The following TBC1D5 variants were observed in gnomAD, a reference collection of about 807,000 sequenced individuals.
The protein encoded by TBC1D5 is TBC1 domain family, member 5.
TBC1D5 carries 75 observed loss-of-function variants against 100.3 expected under a neutral mutation model. The ratio of observed to expected loss-of-function variants is 0.75; its 90% CI spans 0.62 to 0.91. TBC1D5 has a LOEUF of 0.91. Ranked by LOEUF, TBC1D5 falls within the 40% of genes least tolerant of loss-of-function variation. The pLI, the probability that TBC1D5 is intolerant of heterozygous loss-of-function variation, is 0.00. For synonymous variants in TBC1D5, 323 were observed against 325.6 expected, an observed-to-expected ratio of 0.99 and a Z score of 0.09; for missense variants, 910 against 942.4, an observed-to-expected ratio of 0.97 and a Z score of 0.45.
In TBC1D5 at chr3:17,697,533, G is replaced by A. The variant is rs540969523; in HGVS notation, c.-101+41810C>T. Among the ~76,000 whole-genome samples the A allele has an allele frequency of 3.5e-3, 533 of 152,216 alleles. 4 individuals are homozygous for A. The highest frequency in any genetic ancestry group is 0.012 in the African/African-American group (504 of 41,526). ...GCTACCAAGAGAATAAAATGCCTAA[G>A]AATCCAACTTACAAGGGATGTGAAG... On this transcript the variant is annotated intron_variant, in intron 1 of 21. Coordinates refer to ENST00000253692, the Ensembl canonical transcript of TBC1D5.
At chr3:17,167,795 A>G in exon 20 of TBC1D5, 1 of 1,612,098 alleles carries the variant, frequency 6.2e-7, no homozygotes, top group Non-Finnish European at 8.5e-7. Flanking sequence ...TTCTTTTTCC[A>G]AATTTTCTTG....
At chr3:17,417,343 C>A (rs942609189) in intron 4 of TBC1D5, among the ~76,000 whole-genome samples, 2 of 135,736 alleles carry the variant, frequency 1.5e-5, no homozygotes, top group Non-Finnish European at 3.1e-5. Context: ...CCTCCCCCCT[C>A]CCCCTACCCC....
intron 2 of TBC1D5, among the ~76,000 whole-genome samples, chr3:17,578,960 C>A (rs1385929113): frequency 4.6e-5 from 7 of 151,928 alleles, no homozygotes; most frequent in African/African-American, 1.7e-4. Flanking sequence ...CAAATATATT[C>A]CAAATAATTT....
intron 3 of TBC1D5, among the ~76,000 whole-genome samples, chr3:17,484,596 A>G (rs1171254380): frequency 2.0e-5 from 3 of 151,902 alleles, no homozygotes; most frequent in East Asian, 3.9e-4. Flanking sequence ...CTCAGGCTCA[A>G]GTGAGCCTCC....
intron 19 of TBC1D5, among the ~76,000 whole-genome samples, chr3:17,179,153 T>C (rs2068148218): frequency 6.6e-6 from 1 of 152,254 alleles, no homozygotes; most frequent in East Asian, 1.9e-4. Context: ...AGGTGAATTG[T>C]ATCTTTTCCT....
At chr3:17,284,885 A>T (rs2081008625) in intron 15 of TBC1D5, among the ~76,000 whole-genome samples, 1 of 152,200 alleles carries the variant, frequency 6.6e-6, no homozygotes, top group South Asian at 2.1e-4. Context: ...CCTAAATATC[A>T]ACTATAATAA....
chr3:17,645,826 C>A (rs1022393628), intron 1 of TBC1D5, among the ~76,000 whole-genome samples: 4 of 152,038 alleles, frequency 2.6e-5, no homozygotes, highest in South Asian at 2.1e-4. Context: ...CCCCTTCCCC[C>A]CTACTTTTCT....
At chr3:17,245,577 T>C (rs2076671882) in intron 16 of TBC1D5, among the ~76,000 whole-genome samples, 1 of 152,152 alleles carries the variant, frequency 6.6e-6, no homozygotes, top group South Asian at 2.1e-4. Flanking sequence ...AATAAAAAGG[T>C]TGGCACTGGT....
chr3:17,678,221 G>A (rs1263161070), intron 1 of TBC1D5, among the ~76,000 whole-genome samples: 2 of 152,068 alleles, frequency 1.3e-5, no homozygotes, highest in South Asian at 4.1e-4. Context: ...CAATAAACTA[G>A]TAATTATAAT....
At chr3:17,586,748 T>G (rs1024952985) in intron 2 of TBC1D5, among the ~76,000 whole-genome samples, 1 of 152,102 alleles carries the variant, frequency 6.6e-6, no homozygotes, top group African/African-American at 2.4e-5. Context: ...TTCCTTCACC[T>G]ATTTTAACTC....
chr3:17,369,950 G>A (rs1028360284), intron 13 of TBC1D5, among the ~76,000 whole-genome samples: 2 of 152,020 alleles, frequency 1.3e-5, no homozygotes, highest in Non-Finnish European at 2.9e-5. Flanking sequence ...AGCTAAATGA[G>A]GTAGCTATGA....
At chr3:17,175,894 T>C (rs534106747) in intron 19 of TBC1D5, among the ~76,000 whole-genome samples, 1 of 152,368 alleles carries the variant, frequency 6.6e-6, no homozygotes, top group African/African-American at 2.4e-5. Flanking sequence ...GCACCTCCCC[T>C]GGCTCATATG....
chr3:17,205,220 G>T (rs1273320920), intron 18 of TBC1D5, among the ~76,000 whole-genome samples: 1 of 152,168 alleles, frequency 6.6e-6, no homozygotes, highest in East Asian at 1.9e-4. Context: ...AACAAGAAGA[G>T]ATTACATATA....
At chr3:17,448,571 C>T (rs1303140215) in intron 3 of TBC1D5, among the ~76,000 whole-genome samples, 1 of 152,188 alleles carries the variant, frequency 6.6e-6, no homozygotes, top group Non-Finnish European at 1.5e-5. Context: ...TGTTGGCAGG[C>T]ATGAAAACAA....
intron 2 of TBC1D5, among the ~76,000 whole-genome samples, chr3:17,509,812 C>T (rs933171197): frequency 6.6e-6 from 1 of 151,988 alleles, no homozygotes; most frequent in African/African-American, 2.4e-5. Context: ...GTTATACTTA[C>T]AAGTTTTTAT....
At chr3:17,290,760 C>T (rs968220742) in intron 15 of TBC1D5, among the ~76,000 whole-genome samples, 1 of 152,046 alleles carries the variant, frequency 6.6e-6, no homozygotes, top group South Asian at 2.1e-4. Flanking sequence ...TAGTCATATT[C>T]ATAAGCCTTA....
intron 2 of TBC1D5, among the ~76,000 whole-genome samples, chr3:17,588,882 C>A (rs1053780227): frequency 2.0e-5 from 3 of 152,194 alleles, no homozygotes; most frequent in Non-Finnish European, 4.4e-5. Flanking sequence ...TTCTTGATTT[C>A]TTTCTAACTT....
At chr3:17,487,846 T>C (rs1039364359) in intron 3 of TBC1D5, among the ~76,000 whole-genome samples, 24 of 152,290 alleles carry the variant, frequency 1.6e-4, no homozygotes, top group African/African-American at 5.3e-4. Flanking sequence ...AAAGCAATTT[T>C]GAGCTTACAG....
chr3:17,661,284 C>T (rs1388114498), intron 1 of TBC1D5, among the ~76,000 whole-genome samples: 2 of 152,182 alleles, frequency 1.3e-5, no homozygotes, highest in South Asian at 2.1e-4. Context: ...AAAAGTGAGA[C>T]TTAATGGTTA....
Sources: allele counts gnomAD v4.1 joint callset (sites outside exome capture counted in the v4.1 genomes callset), GRCh38; gene constraint gnomAD v4.1.1; transcripts MANE v1.5; gene names NCBI Gene and HGNC (gene_info 2026-07-23, HGNC 2026-07-21).